Variants in PAX6 observed in about 807,000 individuals in gnomAD.
PAX6 encodes paired box protein Pax-6.
In PAX6, 7 loss-of-function variants were observed where a neutral mutation model predicts 60.7. The ratio of observed to expected loss-of-function variants is 0.12; its 90% CI spans 0.07 to 0.22. PAX6 has a LOEUF of 0.22. Ranked by LOEUF, PAX6 falls within the 10% of genes least tolerant of loss-of-function variation. PAX6 has a pLI of 1.00. For synonymous variants in PAX6, 208 were observed against 201.2 expected, an observed-to-expected ratio of 1.03 and a Z score of -0.29; for missense variants, 355 against 555.2, an observed-to-expected ratio of 0.64 and a Z score of 3.62.
In PAX6 at chr11:31,795,710, T is replaced by A. The variant is rs772956344; in HGVS notation, c.566-922A>T. On this transcript the variant is annotated intron_variant, in intron 8 of 13. Coordinates refer to ENST00000640368, the MANE Select transcript of PAX6 (RefSeq NM_001368894.2). Reference sequence around the variant, plus strand: ...ATCATTATACAGGGGGAAAGTTTTATGGTTTTCCCTTGCTGCCTGGAGGGC... The same window carrying A: ...ATCATTATACAGGGGGAAAGTTTTAAGGTTTTCCCTTGCTGCCTGGAGGGC... Among the ~76,000 whole-genome samples, 3 of 152,282 alleles carry A rather than the reference T, an allele frequency of 2.0e-5. No individual in the cohort carries two copies. In the East Asian group the frequency reaches 5.8e-4, roughly 29 times the overall value.
chr11:31,796,726 A>G (rs554817813), intron 8 of PAX6, among the ~76,000 whole-genome samples: 35 of 152,298 alleles, frequency 2.3e-4, no homozygotes, highest in African/African-American at 8.4e-4. Context: ...GGTATTTTTA[A>G]AAAAGGACAG....
At chr11:31,794,438 ACACACAC>A in intron 9 of PAX6, 185 bp downstream of exon 9, 2 of 37,102 alleles carry the variant, frequency 5.4e-5, no homozygotes, top group Non-Finnish European at 1.3e-4. Context: ...ACACACACAC[ACACACAC>A]ACACACACAC....
At chr11:31,807,875 C>T (rs942125667) in intron 2 of PAX6, 3 of 151,856 alleles carry the variant, frequency 2.0e-5, no homozygotes, top group Admixed American at 2.0e-4. Context: ...CCCGAGGCTG[C>T]TCCCGTACGA....
chr11:31,798,136 A>G (rs1952257415), intron 8 of PAX6, among the ~76,000 whole-genome samples: 2 of 151,952 alleles, frequency 1.3e-5, no homozygotes, highest in Non-Finnish European at 2.9e-5. Flanking sequence ...AGCGCGGATC[A>G]AAACATTGTA....
chr11:31,813,974 T>A (rs905360489), upstream of PAX6, among the ~76,000 whole-genome samples: 2 of 151,598 alleles, frequency 1.3e-5, no homozygotes, highest in African/African-American at 4.8e-5. Context: ...TTGCCAGAGG[T>A]GTGTACAAAA....
At chr11:31,793,343 A>T (rs1404310397) in intron 12 of PAX6, 95 bp downstream of exon 12, 1 of 1,015,186 alleles carries the variant, frequency 9.9e-7, no homozygotes, top group African/African-American at 1.6e-5. Flanking sequence ...AAAGCTCTCA[A>T]GGGTGCAGAC....
At chr11:31,794,315 A>G in intron 9 of PAX6, 2 of 647,486 alleles carry the variant, frequency 3.1e-6, no homozygotes, top group Non-Finnish European at 2.8e-6. Context: ...GCATTCAGTG[A>G]CCTTTCTGTG....
chr11:31,791,060 G>A, intron 12 of PAX6, 200 bp from the exon 13 acceptor site: 1 of 695,748 alleles, frequency 1.4e-6, no homozygotes, highest in Non-Finnish European at 2.6e-6. Flanking sequence ...GAAGAAAGCT[G>A]CCTATGTATC....
chr11:31,814,992 C>CTCAT (rs1459138884), upstream of PAX6: 1 of 42,350 alleles, frequency 2.4e-5, no homozygotes, highest in East Asian at 6.1e-4. Context: ...GCCAGCCTGT[C>CTCAT]TCTCTCTCTC....
intron 5 of PAX6, chr11:31,802,311 C>A: frequency 3.2e-6 from 1 of 312,036 alleles, no homozygotes; most frequent in Non-Finnish European, 5.9e-6. Flanking sequence ...AAACAAATAC[C>A]TCAAAAGCTG....
chr11:31,794,247 G>A, intron 9 of PAX6, 133 bp from the exon 10 acceptor site: 1 of 771,660 alleles, frequency 1.3e-6, no homozygotes, highest in South Asian at 1.4e-5. Context: ...TGCTTCTAGT[G>A]TTGACTGTAC....
upstream of PAX6, among the ~76,000 whole-genome samples, chr11:31,813,394 G>C (rs1388083145): frequency 2.6e-4 from 27 of 104,840 alleles, no homozygotes; most frequent in South Asian, 4.5e-4. Context: ...GGGGGCGGGG[G>C]GGGGGGAAGT....
upstream of PAX6, among the ~76,000 whole-genome samples, chr11:31,815,248 T>C (rs1198670594): frequency 1.3e-5 from 2 of 152,126 alleles, no homozygotes; most frequent in East Asian, 3.9e-4. Flanking sequence ...TTTTTGCAAA[T>C]AGGGTTCCTA....
rs1044580021 is a variant in PAX6, at chr11:31,789,468, A to G, written c.*466T>C. ...TAATTATATGCAAAGGAATGATACA[A>G]ACTTGGAACATCAGTCCATAAACTA... is the stretch of plus-strand genomic sequence containing the variant. On this transcript the variant is annotated 3_prime_UTR_variant, in exon 14 of 14. Transcript: ENST00000640368. 2.0e-6 allele frequency: 1 copy of G among 491,292 alleles called. No homozygotes were observed. Among genetic ancestry groups the G allele is most frequent in the South Asian group, 3.6e-5 (1 of 27,788 alleles). The allele number at this position is 491,292 out of a possible 1,614,324, so 30.4% of individuals were successfully genotyped here.
rs1411124572 is a variant in PAX6, at chr11:31,806,908, C to T, written c.-111G>A. ...AAAGGCCTCACACATCTGCGCGCCC[C>T]TAGTTAAAGTCTTCCCCCTAAGACA... On this transcript the variant is annotated 5_prime_UTR_variant, in exon 3 of 14. Coordinates refer to ENST00000640368, the MANE Select transcript of PAX6 (RefSeq NM_001368894.2). 6.4e-6 allele frequency: 1 copy of T among 156,812 alleles called. No individual in the cohort carries two copies. The highest frequency in any genetic ancestry group is 1.4e-5 in the Non-Finnish European group (1 of 71,056). The allele number at this position is 156,812 out of a possible 1,614,324, so 9.7% of individuals were successfully genotyped here. A position where few individuals can be genotyped will look rare whatever the true frequency, so the allele number is the denominator to read the frequency against.
rs759391101 is a variant in PAX6, at chr11:31,789,912, C to CTTTTTTTTTTTTTTTTTTTTTTT, written c.1310_*21dup. On this transcript the variant is annotated 3_prime_UTR_variant, in exon 14 of 14. Transcript: ENST00000640368. ...CTGAATTAACACAATATTTCCTTTC[C>CTTTTTTTTTTTTTTTTTTTTTTT]TTTTTTTTTTTTTTTTTTTTTTTAC... 6.7e-6 allele frequency: 7 copies of CTTTTTTTTTTTTTTTTTTTTTTT among 1,046,618 alleles called. No homozygotes were observed. Among genetic ancestry groups the CTTTTTTTTTTTTTTTTTTTTTTT allele is most frequent in the South Asian group, 3.0e-5 (2 of 67,626 alleles). 64.8% of individuals were successfully genotyped at this position (1,046,618 alleles called of 1,614,324 possible).
chr11:31,794,126 A>T lies in PAX6; in HGVS notation c.725-12T>A. 6.3e-7 allele frequency: 1 copy of T among 1,579,564 alleles called. No individual in the cohort carries two copies. The highest frequency in any genetic ancestry group is 1.3e-5 in the African/African-American group (1 of 74,378). Reference sequence around the variant, plus strand: ...GGTTCTCTCAAACTCTGAAAGAGTAAGTTGATTTTCCATATTGTGCCAGAA... The same window carrying T: ...GGTTCTCTCAAACTCTGAAAGAGTATGTTGATTTTCCATATTGTGCCAGAA... On this transcript the variant is annotated splice_polypyrimidine_tract_variant and intron_variant, in intron 9 of 13. Transcript: ENST00000640368.
At chr11:31,790,409 T>C (rs182822121) in intron 13 of PAX6, 1 of 1,301,338 alleles carries the variant, frequency 7.7e-7, no homozygotes, top group Non-Finnish European at 9.8e-7. Context: ...CACCTACAGC[T>C]CAGTGGGCCC....
chr11:31,817,665 C>T (rs1264313039), intron 1 of PAX6: 1 of 152,294 alleles, frequency 6.6e-6, no homozygotes, highest in Non-Finnish European at 1.5e-5. Context: ...TAACTCGCTT[C>T]CATCTTTGTA....
Sources: allele counts gnomAD v4.1 joint callset (sites outside exome capture counted in the v4.1 genomes callset), GRCh38; gene constraint gnomAD v4.1.1; transcripts MANE v1.5; gene names NCBI Gene and HGNC (gene_info 2026-07-23, HGNC 2026-07-21).